Variants in CNNM1 observed in about 807,000 individuals in gnomAD.
CNNM1 encodes the protein metal transporter CNNM1.
A neutral mutation model predicts 78.8 loss-of-function variants in CNNM1; 44 were observed. The observed-to-expected ratio is 0.56, with a 90% CI of 0.44 to 0.72. CNNM1 has a LOEUF of 0.72. Among genes scored for constraint, CNNM1 ranks in the 30% least tolerant of loss-of-function variants. The pLI, the probability that CNNM1 is intolerant of heterozygous loss-of-function variation, is 0.00. For missense variants in CNNM1, 1,101 were observed against 1,292.2 expected (o/e 0.85, Z 2.27); for synonymous variants, 584 against 581.5 (o/e 1.00, Z -0.06).
intron 3 of CNNM1, 150 bp downstream of exon 3, chr10:99,361,125 GT>G: frequency 1.3e-6 from 1 of 766,970 alleles, no homozygotes; most frequent in Non-Finnish European, 1.9e-6. Flanking sequence ...CTTAGACAGG[GT>G]AATGGATGCC....
At chr10:99,352,885 A>T (rs1589895741) in intron 1 of CNNM1, among the ~76,000 whole-genome samples, 1 of 149,384 alleles carries the variant, frequency 6.7e-6, no homozygotes, top group African/African-American at 2.5e-5. Context: ...TTTTAATTTG[A>T]TTGTGTTTTG....
At chr10:99,384,612 G>A (rs2032253356) in intron 7 of CNNM1, among the ~76,000 whole-genome samples, 1 of 152,004 alleles carries the variant, frequency 6.6e-6, no homozygotes, top group Non-Finnish European at 1.5e-5. Context: ...CCAATGATGA[G>A]GAACTCGGTA....
intron 6 of CNNM1, among the ~76,000 whole-genome samples, chr10:99,372,205 T>C (rs755620091): frequency 3.3e-5 from 5 of 152,144 alleles, no homozygotes; most frequent in Non-Finnish European, 7.4e-5. Flanking sequence ...TCCTCTTCCA[T>C]ACCCTTTGCC....
chr10:99,339,324 C>T (rs1456789660), intron 1 of CNNM1, among the ~76,000 whole-genome samples: 1 of 152,194 alleles, frequency 6.6e-6, no homozygotes, highest in African/African-American at 2.4e-5. Context: ...GTGAGCTAGG[C>T]AGACATTATG....
intron 1 of CNNM1, among the ~76,000 whole-genome samples, chr10:99,332,025 A>G (rs1456744563): frequency 6.6e-6 from 1 of 152,146 alleles, no homozygotes; most frequent in African/African-American, 2.4e-5. Context: ...CACTCAAGAA[A>G]AATCAGCCTG....
In CNNM1 at chr10:99,329,757, C is replaced by T; in HGVS notation, c.370C>T (p.Pro124Ser). ...TGGCGGCGTGGCCCCCAGCGCGGTC[C>T]CCACTCGCCCCCCGGGACCGCAGCG... ...GGGGVAPSAVPTRPPGPQRCR... is the reference protein window; with the variant it reads ...GGGGVAPSAVSTRPPGPQRCR... The change falls in exon 1 of 11, where the codon CCC (proline) becomes TCC (serine). Residue 124 changes from proline (P) to serine (S), a missense_variant. Physicochemically the swap from Pro to Ser is moderately conservative, Grantham distance 74 (BLOSUM62 -1). Transcript: ENST00000356713. 1 of 1,498,534 alleles carries T rather than the reference C, an allele frequency of 6.7e-7. No homozygotes were observed. The highest frequency in any genetic ancestry group is 8.8e-7 in the Non-Finnish European group (1 of 1,132,362). The allele number at this position is 1,498,534 out of a possible 1,614,324, so 92.8% of individuals were successfully genotyped here.
At chr10:99,376,456 A>G (rs1404192208) in intron 6 of CNNM1, among the ~76,000 whole-genome samples, 2 of 152,254 alleles carry the variant, frequency 1.3e-5, no homozygotes, top group Admixed American at 6.5e-5. Flanking sequence ...AGGCCCTGCC[A>G]ATGTGGGGGC....
chr10:99,344,604 C>T (rs978257689), intron 1 of CNNM1, among the ~76,000 whole-genome samples: 5 of 152,094 alleles, frequency 3.3e-5, no homozygotes, highest in South Asian at 2.1e-4. Context: ...AAAATTGGAC[C>T]GTAGGAGGTT....
At chr10:99,345,269 C>G (rs1279001134) in intron 1 of CNNM1, among the ~76,000 whole-genome samples, 2 of 152,140 alleles carry the variant, frequency 1.3e-5, no homozygotes, top group Non-Finnish European at 2.9e-5. Context: ...GAAATGGAGT[C>G]TCAGGATTCA....
At chr10:99,348,138 G>A (rs2030790814) in intron 1 of CNNM1, among the ~76,000 whole-genome samples, 2 of 151,298 alleles carry the variant, frequency 1.3e-5, no homozygotes, top group Non-Finnish European at 2.9e-5. Flanking sequence ...AAATTCCTAG[G>A]CTCAAACAAT....
intron 6 of CNNM1, among the ~76,000 whole-genome samples, chr10:99,367,631 G>C (rs746715249): frequency 1.3e-5 from 2 of 152,116 alleles, no homozygotes; most frequent in Non-Finnish European, 2.9e-5. Flanking sequence ...AATATTAGAG[G>C]CCCATTCTAA....
intron 1 of CNNM1, among the ~76,000 whole-genome samples, chr10:99,349,190 A>T (rs916565349): frequency 6.6e-6 from 1 of 152,210 alleles, no homozygotes; most frequent in Non-Finnish European, 1.5e-5. Flanking sequence ...GATGAGCGGA[A>T]GATCAAAGAC....
At chr10:99,372,148 C>T (rs1166727120) in intron 6 of CNNM1, among the ~76,000 whole-genome samples, 1 of 152,132 alleles carries the variant, frequency 6.6e-6, no homozygotes, top group Non-Finnish European at 1.5e-5. Context: ...CTGACTATTA[C>T]TACAGAAGGA....
chr10:99,380,790 CAA>C (rs11368296), intron 7 of CNNM1, among the ~76,000 whole-genome samples: 178 of 142,428 alleles, frequency 1.2e-3, no homozygotes, highest in Admixed American at 1.1e-3. Flanking sequence ...GACTCGGCCT[CAA>C]AAAAAAAAAA....
chr10:99,368,606 C>G, intron 6 of CNNM1: 1 of 1,289,554 alleles, frequency 7.8e-7, no homozygotes, highest in Non-Finnish European at 1.0e-6. Flanking sequence ...TCCTTGGCCC[C>G]TGACTCTTTA....
At chr10:99,377,704 A>G (rs1462272843) in intron 7 of CNNM1, among the ~76,000 whole-genome samples, 3 of 152,224 alleles carry the variant, frequency 2.0e-5, no homozygotes, top group African/African-American at 7.2e-5. Flanking sequence ...TGATAATATA[A>G]TTTTATACCT....
At chr10:99,350,666 A>G (rs2030910852) in intron 1 of CNNM1, among the ~76,000 whole-genome samples, 1 of 152,140 alleles carries the variant, frequency 6.6e-6, no homozygotes. Context: ...TCCGGGGTAT[A>G]TGTGCAGGAT....
chr10:99,334,496 T>TA (rs988378788), intron 1 of CNNM1, among the ~76,000 whole-genome samples: 8 of 151,922 alleles, frequency 5.3e-5, no homozygotes, highest in African/African-American at 1.9e-4. Flanking sequence ...CTACTAAAAA[T>TA]ACAAAAATTA....
intron 6 of CNNM1, 95 bp downstream of exon 6, chr10:99,365,097 G>A: frequency 7.8e-7 from 1 of 1,282,234 alleles, no homozygotes; most frequent in Non-Finnish European, 1.1e-6. Context: ...AGCCTGGGCT[G>A]GGGCTAAGAC....
Sources: gnomAD v4.1 joint callset for allele counts (sites outside exome capture counted in the v4.1 genomes callset) on GRCh38, gnomAD v4.1.1 for gene constraint, MANE v1.5 for transcripts, NCBI Gene and HGNC (gene_info 2026-07-23, HGNC 2026-07-21) for gene names.